The following VKORC1L1 variants were observed in gnomAD, a reference collection of about 807,000 sequenced individuals.
VKORC1L1 encodes vitamin K epoxide reductase complex subunit 1L1, also known as vitamin K epoxide reductase complex subunit 1-like protein 1.
Under a neutral mutation model 18.9 loss-of-function variants are expected in VKORC1L1, and 2 were observed. The ratio of observed to expected loss-of-function variants is 0.11; its 90% confidence interval spans 0.04 to 0.33. VKORC1L1 has a LOEUF of 0.33. Ranked by LOEUF, VKORC1L1 falls within the 10% of genes least tolerant of loss-of-function variation. The probability of loss-of-function intolerance (pLI) is 1.00; values close to 1 mark genes in which losing one functional copy is unlikely to be tolerated. For missense variants in VKORC1L1, 123 were observed against 224.1 expected (o/e 0.55, Z 2.88); for synonymous variants, 96 against 100.0 (o/e 0.96, Z 0.24).
At chr7:65,866,018 G>A in the VKORC1L1 span, among the ~76,000 whole-genome samples, 1 of 152,044 alleles carries the variant, frequency 6.6e-6, no homozygotes, top group African/African-American at 2.4e-5. Context: ...TACTCGAGGG[G>A]CTAAGAAGGG....
At chr7:65,895,121 T>C (rs1280267856) in intron 1 of VKORC1L1, among the ~76,000 whole-genome samples, 1 of 152,146 alleles carries the variant, frequency 6.6e-6, no homozygotes, top group African/African-American at 2.4e-5. Flanking sequence ...AAGATACGCC[T>C]TAAAGCTGAT....
intron 1 of VKORC1L1, among the ~76,000 whole-genome samples, chr7:65,885,251 T>A (rs1788992733): frequency 6.6e-6 from 1 of 152,154 alleles, no homozygotes; most frequent in Non-Finnish European, 1.5e-5. Flanking sequence ...TTGTTTATCT[T>A]TTCTTCTTAT....
chr7:65,931,565 A>T (rs547779239), intron 1 of VKORC1L1, among the ~76,000 whole-genome samples: 1 of 152,022 alleles, frequency 6.6e-6, no homozygotes, highest in African/African-American at 2.4e-5. Flanking sequence ...TTCATTTCTG[A>T]TATTAATACT....
chr7:65,933,077 C>CA (rs59403784), intron 1 of VKORC1L1, among the ~76,000 whole-genome samples: 8,143 of 64,572 alleles, frequency 0.13, 408 homozygotes, highest in Non-Finnish European at 0.14. Context: ...GACTTCGTCT[C>CA]AAAAAAAAAA....
chr7:65,873,435 G>C lies in VKORC1L1; in HGVS notation c.64G>C (p.Val22Leu). The C allele has an allele frequency of 1.3e-6, 2 of 1,591,938 alleles. No individual in the cohort carries two copies. Among genetic ancestry groups the C allele is most frequent in the Non-Finnish European group, 1.7e-6 (2 of 1,171,592 alleles). The stretch of plus-strand genomic sequence containing the variant: ...GTGGGAGCGGGTGGCCCGGTATGCA[G>C]TGTGCGCTGCCGGAATCCTGCTCTC... Reference protein sequence around the residue: ...PRWERVARYAVCAAGILLSIY... With the variant: ...PRWERVARYALCAAGILLSIY... The change falls in exon 1 of 3, where the codon GTG becomes CTG. Residue 22 changes from valine to leucine, a missense_variant. Transcript: ENST00000360768.
chr7:65,899,377 C>T (rs542942845), intron 1 of VKORC1L1, among the ~76,000 whole-genome samples: 1 of 152,328 alleles, frequency 6.6e-6, no homozygotes, highest in East Asian at 1.9e-4. Context: ...CAGATTGTCT[C>T]ATATCTCTGA....
At chr7:65,874,536 A>G (rs370869982) in intron 1 of VKORC1L1, among the ~76,000 whole-genome samples, 2 of 151,924 alleles carry the variant, frequency 1.3e-5, no homozygotes, top group South Asian at 2.1e-4. Context: ...GGCCGGGCAC[A>G]GTGGCTCACG....
the VKORC1L1 span, among the ~76,000 whole-genome samples, chr7:65,865,908 T>C: frequency 5.9e-5 from 9 of 151,444 alleles, no homozygotes; most frequent in Non-Finnish European, 1.3e-4. Flanking sequence ...GATCACGAGG[T>C]CAAGAGATCG....
intron 1 of VKORC1L1, among the ~76,000 whole-genome samples, chr7:65,926,290 G>A (rs1041191408): frequency 1.3e-5 from 2 of 151,954 alleles, no homozygotes; most frequent in Admixed American, 1.3e-4. Context: ...AGGGTAGCTG[G>A]GACTACAGGC....
intron 1 of VKORC1L1, among the ~76,000 whole-genome samples, chr7:65,896,702 C>T (rs761357406): frequency 1.3e-5 from 2 of 151,942 alleles, no homozygotes; most frequent in Admixed American, 6.6e-5. Context: ...GATGAATTTG[C>T]GTAAAAACAG....
chr7:65,929,701 T>TATAC (rs1042062840), intron 1 of VKORC1L1, among the ~76,000 whole-genome samples: 2 of 147,070 alleles, frequency 1.4e-5, no homozygotes, highest in African/African-American at 5.0e-5. Context: ...TATATATATA[T>TATAC]ATGGTTTTTT....
chr7:65,893,275 G>T (rs998791031), intron 1 of VKORC1L1, among the ~76,000 whole-genome samples: 4 of 152,176 alleles, frequency 2.6e-5, no homozygotes, highest in African/African-American at 9.7e-5. Context: ...TGGTGTGGTG[G>T]CTCATACCTG....
At chr7:65,890,166 T>C (rs1223349653) in intron 1 of VKORC1L1, among the ~76,000 whole-genome samples, 1 of 147,112 alleles carries the variant, frequency 6.8e-6, no homozygotes, top group Non-Finnish European at 1.5e-5. Context: ...AGTCTCGCTC[T>C]GTTTCCCAGG....
chr7:65,915,301 C>T (rs1219776793), intron 1 of VKORC1L1, among the ~76,000 whole-genome samples: 2 of 151,748 alleles, frequency 1.3e-5, no homozygotes, highest in Non-Finnish European at 2.9e-5. Context: ...CCGTGTTAGC[C>T]AGGATAGTCT....
chr7:65,947,301 A>C (rs909430907), intron 1 of VKORC1L1, among the ~76,000 whole-genome samples: 1 of 151,926 alleles, frequency 6.6e-6, no homozygotes, highest in East Asian at 1.9e-4. Context: ...CTATTAAACT[A>C]TTGTGGCCTG....
At chr7:65,894,276 A>T (rs756923443) in intron 1 of VKORC1L1, among the ~76,000 whole-genome samples, 45 of 151,876 alleles carry the variant, frequency 3.0e-4, no homozygotes, top group Admixed American at 1.4e-3. Flanking sequence ...TTTTTAATCT[A>T]CACCTGCTGT....
rs758174396 is a variant in VKORC1L1, at chr7:65,873,379, C to T, written c.8C>T (p.Ala3Val). The part of the protein sequence containing the change: MA[A>V]PVLLRVSVPR... ...GGCGGCGGCGGCGGGAAGATGGCGG[C>T]TCCCGTCCTGCTAAGAGTGTCGGTG... The change falls in exon 1 of 3, where the codon GCT becomes GTT. Residue 3 changes from alanine (A) to valine (V), a missense_variant. Ala to Val is a moderately conservative substitution (Grantham distance 64). This residue lies in a region of VKORC1L1 where 60 missense variants were observed against 76.9 expected (regional missense o/e 0.78). Transcript: ENST00000360768. The T allele has an allele frequency of 2.6e-6, 4 of 1,522,974 alleles. No homozygotes were observed. The South Asian group carries it at 4.7e-5, about 18-fold the overall frequency. The allele number at this position is 1,522,974 out of a possible 1,614,324, so 94.3% of individuals were successfully genotyped here. A position where few individuals can be genotyped will look rare whatever the true frequency, so the allele number is the denominator to read the frequency against.
intron 1 of VKORC1L1, among the ~76,000 whole-genome samples, chr7:65,882,934 C>T (rs1788951812): frequency 6.6e-6 from 1 of 152,084 alleles, no homozygotes. Flanking sequence ...CGTTAATGTA[C>T]TATTTAAAAA....
intron 1 of VKORC1L1, among the ~76,000 whole-genome samples, chr7:65,944,119 G>C (rs898726969): frequency 2.0e-5 from 3 of 152,144 alleles, no homozygotes; most frequent in African/African-American, 7.2e-5. Flanking sequence ...CTGTGGTCCA[G>C]CTACTTGGGA....
Sources: gnomAD v4.1 joint callset for allele counts (sites outside exome capture counted in the v4.1 genomes callset) on GRCh38, gnomAD v4.1.1 for gene constraint, gnomAD v4.1.1 regional missense constraint, MANE v1.5 for transcripts, NCBI Gene and HGNC (gene_info 2026-07-23, HGNC 2026-07-21) for gene names.